The following GSE1 variants were observed in gnomAD, a reference collection of about 807,000 sequenced individuals.
GSE1 encodes the protein Gse1 coiled-coil protein, also known as genetic suppressor element 1.
GSE1 carries 32 observed loss-of-function variants against 112.6 expected under a neutral mutation model. The observed-to-expected ratio is 0.28, with a 90% confidence interval of 0.21 to 0.38. GSE1 has a LOEUF of 0.38. GSE1 is among the 10% of genes least tolerant of loss of function. GSE1 has a pLI of 1.00. For synonymous variants in GSE1, 1,115 were observed against 735.6 expected, an observed-to-expected ratio of 1.52 and a Z score of -8.35; for missense variants, 2,348 against 1,699.2, an observed-to-expected ratio of 1.38 and a Z score of -6.71.
chr16:85,439,934 A>G (rs945745866), intron 2 of GSE1, among the ~76,000 whole-genome samples: 1 of 152,262 alleles, frequency 6.6e-6, no homozygotes, highest in Non-Finnish European at 1.5e-5. Flanking sequence ...ACACAGGCAT[A>G]CGCAGAGACA....
chr16:85,481,900 C>T (rs970515937), intron 2 of GSE1, among the ~76,000 whole-genome samples: 24 of 152,228 alleles, frequency 1.6e-4, no homozygotes, highest in Non-Finnish European at 2.8e-4. Context: ...TGCAGGGCAG[C>T]CCTCCAGCCG....
At chr16:85,265,768 C>T (rs903556781) in intron 1 of GSE1, among the ~76,000 whole-genome samples, 1 of 152,042 alleles carries the variant, frequency 6.6e-6, no homozygotes, top group Non-Finnish European at 1.5e-5. Flanking sequence ...CTGGGGTGCC[C>T]GAACATCCCA....
In GSE1 at chr16:85,656,663, C is replaced by G; in HGVS notation, c.1310C>G (p.Ala437Gly). 1 of 1,512,290 alleles carries G rather than the reference C, an allele frequency of 6.6e-7. No individual in the cohort carries two copies. Among genetic ancestry groups the G allele is most frequent in the Non-Finnish European group, 8.9e-7 (1 of 1,129,116 alleles). The allele number at this position is 1,512,290 out of a possible 1,614,324, so 93.7% of individuals were successfully genotyped here. ...KPSEQLTPTR[A>G]EKLKDAGLQA... Reference sequence around the variant, plus strand: ...TCGGAGCAGCTGACCCCAACCCGAGCAGGTACCTGGGCGTGGGTGGGCTGT... The same window carrying G: ...TCGGAGCAGCTGACCCCAACCCGAGGAGGTACCTGGGCGTGGGTGGGCTGT... The change falls in exon 7 of 16, where the codon GCA becomes GGA. Residue 437 changes from alanine (A) to glycine (G), a missense_variant and splice_region_variant. Ala to Gly is a moderately conservative substitution (Grantham distance 60). Transcript: ENST00000253458.
At chr16:85,485,038 TC>T (rs1264012807) in intron 2 of GSE1, among the ~76,000 whole-genome samples, 2 of 152,196 alleles carry the variant, frequency 1.3e-5, no homozygotes, top group African/African-American at 4.8e-5. Context: ...CCAACAGTGA[TC>T]GCCCCTTGCC....
At chr16:85,467,216 C>G (rs950511553) in intron 2 of GSE1, among the ~76,000 whole-genome samples, 2 of 152,072 alleles carry the variant, frequency 1.3e-5, no homozygotes, top group Admixed American at 6.5e-5. Context: ...AGCGAGGGGC[C>G]GGAGCGAGCC....
intron 2 of GSE1, among the ~76,000 whole-genome samples, chr16:85,445,803 C>A (rs1464231197): frequency 6.6e-6 from 1 of 152,194 alleles, no homozygotes; most frequent in Admixed American, 6.5e-5. Context: ...AGCCATGCTG[C>A]CCTTGTGGGA....
In GSE1 at chr16:85,496,511, G is replaced by A. The variant is rs369417154; in HGVS notation, c.2465-137403G>A. On this transcript the variant is annotated intron_variant, in intron 2 of 2. Transcript: ENST00000637419. ...CGGGCAGCCCGGGTGGCCTCGGTGC[G>A]GCGTGTCTGCGGAGTGGCAGCCAGG... Among the ~76,000 whole-genome samples the A allele has an allele frequency of 4.6e-4, 70 of 152,324 alleles. 1 individual carries two copies. The South Asian group carries it at 0.014, about 30-fold the overall frequency.
At chr16:85,262,320 G>A (rs1907782241) in intron 1 of GSE1, among the ~76,000 whole-genome samples, 2 of 152,176 alleles carry the variant, frequency 1.3e-5, no homozygotes, top group Admixed American at 6.5e-5. Flanking sequence ...CTTTTATCAT[G>A]TGGTGACACG....
intron 1 of GSE1, chr16:85,593,221 G>C (rs2047070658): frequency 6.6e-6 from 1 of 152,254 alleles, no homozygotes; most frequent in Non-Finnish European, 1.5e-5. Flanking sequence ...AACCAAACCT[G>C]GTCCCACGGG....
intron 2 of GSE1, among the ~76,000 whole-genome samples, chr16:85,492,770 C>CGGTG (rs1555521139): frequency 1.3e-5 from 2 of 151,672 alleles, no homozygotes; most frequent in Non-Finnish European, 2.9e-5. Context: ...CATGACCTCA[C>CGGTG]GGTGCCTTTC....
chr16:85,427,756 C>T (rs1428558492), intron 2 of GSE1, among the ~76,000 whole-genome samples: 3 of 152,150 alleles, frequency 2.0e-5, no homozygotes, highest in Admixed American at 2.0e-4. Context: ...CGCTTGAACC[C>T]AGGAGGTGGA....
At chr16:85,438,149 C>T (rs1275898652) in intron 2 of GSE1, among the ~76,000 whole-genome samples, 1 of 152,180 alleles carries the variant, frequency 6.6e-6, no homozygotes, top group Non-Finnish European at 1.5e-5. Context: ...GTCTCTGCCT[C>T]CCCCGTCAGT....
At chr16:85,368,321 TGAAGGTCACTGGAGCATC>T (rs2047227928) in intron 2 of GSE1, among the ~76,000 whole-genome samples, 1 of 152,200 alleles carries the variant, frequency 6.6e-6, no homozygotes, top group Admixed American at 6.5e-5. Context: ...GGGAGAGTTC[TGAAGGTCACTGGAGCATC>T]GGAGGAGAGC....
chr16:85,420,770 C>A (rs1011463663), intron 2 of GSE1, among the ~76,000 whole-genome samples: 1 of 152,198 alleles, frequency 6.6e-6, no homozygotes, highest in Non-Finnish European at 1.5e-5. Context: ...GGCTTCCTCT[C>A]GCCCTGGGTG....
chr16:85,349,063 C>T (rs1002406169), intron 1 of GSE1, among the ~76,000 whole-genome samples: 16 of 152,190 alleles, frequency 1.1e-4, no homozygotes, highest in African/African-American at 3.9e-4. Context: ...TGCCGTGTGG[C>T]GTGTGCTTAA....
intron 1 of GSE1, among the ~76,000 whole-genome samples, chr16:85,243,141 G>C (rs1905293931): frequency 6.6e-6 from 1 of 152,228 alleles, no homozygotes; most frequent in Admixed American, 6.5e-5. Context: ...AGCCCCCGAG[G>C]AGACACACAA....
intron 2 of GSE1, among the ~76,000 whole-genome samples, chr16:85,410,297 C>T (rs560000870): frequency 9.9e-4 from 42 of 42,248 alleles, no homozygotes; most frequent in South Asian, 2.3e-3. Flanking sequence ...GCACTCAGGG[C>T]CCCCTGGATA....
intron 1 of GSE1, among the ~76,000 whole-genome samples, chr16:85,323,618 C>T (rs1486196952): frequency 6.6e-6 from 1 of 152,134 alleles, no homozygotes; most frequent in African/African-American, 2.4e-5. Context: ...TGGGAACCTG[C>T]CAACTCTCAG....
At chr16:85,643,745 G>C (rs1199909170) in intron 2 of GSE1, among the ~76,000 whole-genome samples, 2 of 152,146 alleles carry the variant, frequency 1.3e-5, no homozygotes, top group African/African-American at 4.8e-5. Context: ...GGCTTGGCAC[G>C]TGGTGGGGCT....
Sources: allele counts gnomAD v4.1 joint callset (sites outside exome capture counted in the v4.1 genomes callset), GRCh38; gene constraint gnomAD v4.1.1; transcripts MANE v1.5; gene names NCBI Gene and HGNC (gene_info 2026-07-23, HGNC 2026-07-21).